CTNNA2: variants seen among roughly 807,000 people sequenced by gnomAD.
CTNNA2 encodes the protein catenin alpha-2.
Under a neutral mutation model 101.0 loss-of-function variants are expected in CTNNA2, and 42 were observed. That is an observed-to-expected ratio of 0.42 (90% CI 0.32 to 0.54). The LOEUF (loss-of-function observed/expected upper bound fraction) is 0.54. CTNNA2 is among the 20% of genes least tolerant of loss of function. The probability of loss-of-function intolerance (pLI) is 0.14; values close to 1 mark genes in which losing one functional copy is unlikely to be tolerated. For missense variants in CTNNA2, 871 were observed against 1,223.1 expected, an observed-to-expected ratio of 0.71 and a Z score of 4.29; for synonymous variants, 450 against 456.4, an observed-to-expected ratio of 0.99 and a Z score of 0.18.
intron 2 of CTNNA2, among the ~76,000 whole-genome samples, chr2:79,308,123 C>A (rs1453213183): frequency 6.6e-6 from 1 of 152,190 alleles, no homozygotes; most frequent in African/African-American, 2.4e-5. Context: ...CGGCTCACTG[C>A]AAGCTCAGCT....
intron 3 of CTNNA2, among the ~76,000 whole-genome samples, chr2:79,325,230 TC>T (rs1411043743): frequency 6.6e-6 from 1 of 152,106 alleles, no homozygotes; most frequent in African/African-American, 2.4e-5. Context: ...GTTTGATTTA[TC>T]CCCAAAGCTT....
chr2:80,471,246 C>T (rs7562838), intron 9 of CTNNA2, among the ~76,000 whole-genome samples: 56,952 of 151,954 alleles, frequency 0.37, 11,627 homozygotes, highest in East Asian at 0.66. Flanking sequence ...AGGCAAGAGA[C>T]GATGGTGATT....
chr2:79,222,120 A>G (rs946796468), intron 2 of CTNNA2, among the ~76,000 whole-genome samples: 4 of 152,164 alleles, frequency 2.6e-5, no homozygotes, highest in Non-Finnish European at 5.9e-5. Context: ...TTGGGAGTCA[A>G]AGCATGCTGC....
At chr2:79,550,240 G>T (rs1432971691) in intron 1 of CTNNA2, among the ~76,000 whole-genome samples, 1 of 152,154 alleles carries the variant, frequency 6.6e-6, no homozygotes, top group Non-Finnish European at 1.5e-5. Flanking sequence ...TTCTGGAGAC[G>T]AAATGATTCT....
chr2:80,197,796 T>A (rs141539395), intron 7 of CTNNA2, among the ~76,000 whole-genome samples: 64 of 152,328 alleles, frequency 4.2e-4, no homozygotes, highest in Non-Finnish European at 7.6e-4. Context: ...AATTGAGTCA[T>A]AAGCTAGTAT....
chr2:79,638,003 T>C (rs1175282485), intron 1 of CTNNA2, among the ~76,000 whole-genome samples: 1 of 152,198 alleles, frequency 6.6e-6, no homozygotes, highest in Non-Finnish European at 1.5e-5. Context: ...AGTGCCTTCC[T>C]CCATGACTGT....
At chr2:80,325,718 T>C (rs1679179383) in intron 7 of CTNNA2, among the ~76,000 whole-genome samples, 1 of 152,188 alleles carries the variant, frequency 6.6e-6, no homozygotes, top group South Asian at 2.1e-4. Flanking sequence ...GTAGAAGCCA[T>C]GATGAGAATT....
At chr2:79,435,827 G>A (rs1006567044) in intron 4 of CTNNA2, among the ~76,000 whole-genome samples, 1 of 152,128 alleles carries the variant, frequency 6.6e-6, no homozygotes, top group African/African-American at 2.4e-5. Flanking sequence ...ATCACTGCTA[G>A]CCTCATCCGA....
intron 11 of CTNNA2, among the ~76,000 whole-genome samples, chr2:80,555,476 T>C (rs950915926): frequency 2.6e-5 from 4 of 152,240 alleles, no homozygotes; most frequent in African/African-American, 9.6e-5. Context: ...GAGTGGCACC[T>C]AGCGATCTAT....
chr2:79,539,597 A>G (rs1673286233), intron 1 of CTNNA2, among the ~76,000 whole-genome samples: 1 of 152,196 alleles, frequency 6.6e-6, no homozygotes, highest in South Asian at 2.1e-4. Context: ...CTTTATTATT[A>G]GGATAGACAG....
At chr2:80,002,155 G>A (rs1003288706) in intron 7 of CTNNA2, among the ~76,000 whole-genome samples, 7 of 152,148 alleles carry the variant, frequency 4.6e-5, no homozygotes, top group Non-Finnish European at 8.8e-5. Flanking sequence ...TTGATAATTT[G>A]CATTTATGAT....
At chr2:80,438,931 G>T (rs1291823670) in intron 9 of CTNNA2, among the ~76,000 whole-genome samples, 1 of 152,200 alleles carries the variant, frequency 6.6e-6, no homozygotes, top group East Asian at 1.9e-4. Context: ...CTCTGTCTGA[G>T]AAATTTCATT....
At chr2:79,972,313 C>T (rs1188327011) in intron 7 of CTNNA2, among the ~76,000 whole-genome samples, 3 of 152,130 alleles carry the variant, frequency 2.0e-5, no homozygotes, top group Non-Finnish European at 4.4e-5. Context: ...ATAATAGTAC[C>T]TGATACCCCA....
intron 6 of CTNNA2, among the ~76,000 whole-genome samples, chr2:79,896,497 G>A (rs1359078164): frequency 6.6e-6 from 1 of 152,180 alleles, no homozygotes; most frequent in Non-Finnish European, 1.5e-5. Context: ...TTTTGGTAAA[G>A]GTTGGGAAAA....
At chr2:80,585,169 A>G (rs1558616248) in intron 14 of CTNNA2, among the ~76,000 whole-genome samples, 1 of 152,056 alleles carries the variant, frequency 6.6e-6, no homozygotes, top group Non-Finnish European at 1.5e-5. Flanking sequence ...GTTAAAAATC[A>G]TTTTTTTCTC....
At chr2:80,318,276 G>A (rs538279949) in intron 7 of CTNNA2, among the ~76,000 whole-genome samples, 1 of 152,216 alleles carries the variant, frequency 6.6e-6, no homozygotes, top group African/African-American at 2.4e-5. Context: ...AATTAAGAGA[G>A]CATTTTAAGT....
intron 2 of CTNNA2, among the ~76,000 whole-genome samples, chr2:79,280,189 TC>T (rs1675325907): frequency 6.6e-6 from 1 of 152,132 alleles, no homozygotes; most frequent in African/African-American, 2.4e-5. Context: ...GAATAGCACA[TC>T]TTTTTCCTCT....
At position 79,678,547 on chromosome 2, in the gene CTNNA2, A is replaced by C. The variant is rs866819438; in HGVS notation, c.102+26889A>C. Among the ~76,000 whole-genome samples the C allele has an allele frequency of 4.5e-3, 685 of 151,776 alleles. 8 individuals carry two copies. The highest frequency in any genetic ancestry group is 0.015 in the African/African-American group (628 of 41,348). On this transcript the variant is annotated intron_variant, in intron 2 of 18. Transcript: ENST00000402739. ...CACACCCTGTCTCAAACAAACAAAA[A>C]AAAAAAAAAAGAAAAAGTCTCTATC...
chr2:79,817,987 C>T (rs780959915), intron 3 of CTNNA2, among the ~76,000 whole-genome samples: 17 of 152,150 alleles, frequency 1.1e-4, no homozygotes, highest in East Asian at 3.9e-4. Flanking sequence ...TTTACCATTT[C>T]GCATATTGGG....
Sources: gnomAD v4.1 joint callset for allele counts (sites outside exome capture counted in the v4.1 genomes callset) on GRCh38, gnomAD v4.1.1 for gene constraint, MANE v1.5 for transcripts, NCBI Gene and HGNC (gene_info 2026-07-23, HGNC 2026-07-21) for gene names.